The following CAMTA1 variants were observed in gnomAD, a reference collection of about 807,000 sequenced individuals.
The protein encoded by CAMTA1 is calmodulin binding transcription activator 1.
A neutral mutation model predicts 170.9 loss-of-function variants in CAMTA1; 27 were observed. The observed-to-expected ratio is 0.16, with a 90% CI of 0.12 to 0.22. The LOEUF is 0.22. CAMTA1 is among the 10% of genes least tolerant of loss of function. CAMTA1 has a pLI of 1.00. For synonymous variants in CAMTA1, 833 were observed against 891.5 expected, an observed-to-expected ratio of 0.93 and a Z score of 1.17; for missense variants, 1,619 against 2,217.2, an observed-to-expected ratio of 0.73 and a Z score of 5.42.
intron 6 of CAMTA1, among the ~76,000 whole-genome samples, chr1:7,487,436 T>G (rs2093632959): frequency 6.6e-6 from 1 of 152,240 alleles, no homozygotes; most frequent in Admixed American, 6.5e-5. Context: ...TCAAGGATTC[T>G]TGGATTAATT....
chr1:6,801,325 T>A (rs1412264363), intron 1 of CAMTA1, among the ~76,000 whole-genome samples: 1 of 152,084 alleles, frequency 6.6e-6, no homozygotes, highest in Non-Finnish European at 1.5e-5. Context: ...TTTTTATCTG[T>A]CCTCTCCAAG....
At chr1:6,820,274 CT>C in intron 2 of CAMTA1, 24 bp downstream of exon 2, 1 of 1,613,522 alleles carries the variant, frequency 6.2e-7, no homozygotes, top group East Asian at 2.2e-5. Flanking sequence ...AAGCTTTTGA[CT>C]TACAGGAAGG....
intron 3 of CAMTA1, among the ~76,000 whole-genome samples, chr1:6,943,545 T>C (rs1171443131): frequency 6.6e-6 from 1 of 152,138 alleles, no homozygotes; most frequent in African/African-American, 2.4e-5. Context: ...TTATTTTAAA[T>C]TGTGTTAAAT....
At chr1:7,137,292 G>C (rs1645600889) in intron 4 of CAMTA1, among the ~76,000 whole-genome samples, 1 of 152,088 alleles carries the variant, frequency 6.6e-6, no homozygotes, top group Non-Finnish European at 1.5e-5. Context: ...CTGAACTGTT[G>C]GTAGAGCCCT....
chr1:7,744,088 A>C (rs973131556), intron 16 of CAMTA1, among the ~76,000 whole-genome samples: 7 of 148,336 alleles, frequency 4.7e-5, no homozygotes, highest in Admixed American at 1.4e-4. Context: ...TGGCCTCCCA[A>C]AGTGCTGGGA....
In CAMTA1 at chr1:7,333,509, G is replaced by A. The variant is rs1163138660; in HGVS notation, c.438+83883G>A. Among the ~76,000 whole-genome samples the A allele has an allele frequency of 2.0e-5, 3 of 152,200 alleles. No individual in the cohort carries two copies. Among genetic ancestry groups the A allele is most frequent in the African/African-American group, 4.8e-5 (2 of 41,456 alleles). On this transcript the variant is annotated intron_variant, in intron 5 of 22. Coordinates refer to ENST00000303635, the MANE Select transcript of CAMTA1 (RefSeq NM_015215.4). This position sits in a 1 kb window ranked among gnomAD's most constrained non-coding sequence, Gnocchi z 4.4. ...TTTCCCGGCAGAGGTCCTACATTTC[G>A]GCAGTGAGAAATGTCAGGGGCTCCT... is the stretch of plus-strand genomic sequence containing the variant.
At chr1:7,172,098 T>C (rs766591576) in intron 4 of CAMTA1, among the ~76,000 whole-genome samples, 3 of 152,240 alleles carry the variant, frequency 2.0e-5, no homozygotes, top group Non-Finnish European at 2.9e-5. Flanking sequence ...TGCTTTTCAT[T>C]GTCACGGGAC....
At chr1:7,467,572 G>A (rs189416933) in intron 5 of CAMTA1, among the ~76,000 whole-genome samples, 3 of 152,260 alleles carry the variant, frequency 2.0e-5, no homozygotes, top group African/African-American at 4.8e-5. Flanking sequence ...CTGGGTTCTC[G>A]ACGCCTCTAT....
At chr1:7,560,194 CT>C (rs1451139158) in intron 6 of CAMTA1, among the ~76,000 whole-genome samples, 3 of 152,212 alleles carry the variant, frequency 2.0e-5, no homozygotes, top group Non-Finnish European at 2.9e-5. Flanking sequence ...GCAGGGCCCC[CT>C]GGCACCTGTG....
chr1:7,211,590 C>T (rs543943600), intron 4 of CAMTA1, among the ~76,000 whole-genome samples: 2 of 152,218 alleles, frequency 1.3e-5, no homozygotes, highest in Admixed American at 6.5e-5. Context: ...TCTTTGCACC[C>T]GTCATTCTTT....
chr1:7,321,663 A>G (rs1244804555), intron 5 of CAMTA1, among the ~76,000 whole-genome samples: 7 of 152,048 alleles, frequency 4.6e-5, no homozygotes, highest in Non-Finnish European at 1.0e-4. Flanking sequence ...ATATTTTAGG[A>G]GCCATCCCAG....
chr1:6,935,167 G>C lies in CAMTA1; in HGVS notation c.234+109957G>C, dbSNP rs77458416. ...ACGGCGCTGGTTATCCCGTAGGTGTGGTATTCTGAAATACAACCCGAGGCA... is the reference window on the plus strand; with the variant it reads ...ACGGCGCTGGTTATCCCGTAGGTGTCGTATTCTGAAATACAACCCGAGGCA... On this transcript the variant is annotated intron_variant, in intron 3 of 22. Transcript: ENST00000303635. 1.4e-3 allele frequency among the ~76,000 whole-genome samples: 220 copies of C among 152,236 alleles called. 2 individuals are homozygous for C. In the East Asian group the frequency reaches 0.036, roughly 25 times the overall value.
At chr1:7,334,601 C>G (rs1486125963) in intron 5 of CAMTA1, among the ~76,000 whole-genome samples, 1 of 152,188 alleles carries the variant, frequency 6.6e-6, no homozygotes, top group African/African-American at 2.4e-5. Context: ...TTTCATCTCC[C>G]CCGGGGGATG....
At chr1:7,612,898 G>A (rs1168588886) in intron 6 of CAMTA1, among the ~76,000 whole-genome samples, 3 of 152,216 alleles carry the variant, frequency 2.0e-5, no homozygotes, top group African/African-American at 7.2e-5. Context: ...CAGATTCTGG[G>A]CCTCAATTCC....
rs146626323 is a variant in CAMTA1 at position 7,663,547 on chromosome 1, G to A, written c.1000G>A (p.Val334Met). The change falls in exon 9 of 23, where the codon GTG becomes ATG. Residue 334 changes from valine (V) to methionine (M), a missense_variant. Transcript: ENST00000303635. Reference protein sequence around the residue: ...EKRNGKVAKPVLLHQSSTEVS... With the variant: ...EKRNGKVAKPMLLHQSSTEVS... ...GAGGAACGGCAAGGTGGCCAAGCCCGTGCTCCTGCACCAGAGCAGCACCGA... is the reference window on the plus strand; with the variant it reads ...GAGGAACGGCAAGGTGGCCAAGCCCATGCTCCTGCACCAGAGCAGCACCGA... The A allele has an allele frequency of 1.6e-4, 262 of 1,607,010 alleles. No individual in the cohort carries two copies. Among genetic ancestry groups the A allele is most frequent in the Non-Finnish European group, 2.1e-4 (243 of 1,174,304 alleles).
intron 5 of CAMTA1, among the ~76,000 whole-genome samples, chr1:7,256,799 G>A (rs1472547048): frequency 2.0e-5 from 3 of 152,130 alleles, no homozygotes; most frequent in East Asian, 1.9e-4. Context: ...GTGAGGGCCT[G>A]TTTCCTGGTG....
At chr1:7,350,085 G>C (rs1267182325) in intron 5 of CAMTA1, among the ~76,000 whole-genome samples, 3 of 152,140 alleles carry the variant, frequency 2.0e-5, no homozygotes, top group African/African-American at 7.2e-5. Context: ...ACTGGGCTGG[G>C]GACCTTGGCA....
At chr1:7,574,190 A>G (rs1343485667) in intron 6 of CAMTA1, among the ~76,000 whole-genome samples, 2 of 129,892 alleles carry the variant, frequency 1.5e-5, no homozygotes, top group African/African-American at 9.6e-5. Flanking sequence ...TAACAGGAGA[A>G]AGACACAACA....
intron 6 of CAMTA1, among the ~76,000 whole-genome samples, chr1:7,577,371 CAGGAGGGA>C (rs1371339768): frequency 1.3e-5 from 2 of 152,136 alleles, no homozygotes; most frequent in African/African-American, 4.8e-5. Flanking sequence ...CCCAGCCCCT[CAGGAGGGA>C]AGCAAGGCCA....
Sources: gnomAD v4.1 joint callset for allele counts (sites outside exome capture counted in the v4.1 genomes callset) on GRCh38, gnomAD v4.1.1 for gene constraint, Gnocchi (gnomAD v3.1) non-coding constraint, MANE v1.5 for transcripts, NCBI Gene and HGNC (gene_info 2026-07-23, HGNC 2026-07-21) for gene names.